Variants in CSMD1 observed in about 807,000 individuals in gnomAD.
CSMD1 encodes CUB and sushi domain-containing protein 1.
A neutral mutation model predicts 417.5 loss-of-function variants in CSMD1; 213 were observed. The ratio of observed to expected loss-of-function variants is 0.51; its 90% CI spans 0.46 to 0.57. The LOEUF (loss-of-function observed/expected upper bound fraction) is 0.57. CSMD1 is among the 20% of genes least tolerant of loss of function. The probability of loss-of-function intolerance (pLI) is 0.00; values close to 1 mark genes in which losing one functional copy is unlikely to be tolerated. For synonymous variants in CSMD1, 2,862 were observed against 1,736.8 expected (o/e 1.65, Z -16.11); for missense variants, 6,923 against 4,529.7 (o/e 1.53, Z -15.17).
intron 37 of CSMD1, among the ~76,000 whole-genome samples, chr8:3,178,159 G>C (rs1339428473): frequency 1.3e-5 from 2 of 152,070 alleles, no homozygotes; most frequent in Non-Finnish European, 2.9e-5. Context: ...AGACTTTCTT[G>C]GAACTGCTTT....
chr8:4,260,055 G>C (rs1803759884), intron 3 of CSMD1, among the ~76,000 whole-genome samples: 1 of 151,466 alleles, frequency 6.6e-6, no homozygotes, highest in Non-Finnish European at 1.5e-5. Context: ...ACTTGAAAGG[G>C]AAGTGTTGTC....
rs138472394 is a variant in CSMD1, at chr8:4,087,627, C to G, written c.416-55528G>C. 9.2e-5 allele frequency among the ~76,000 whole-genome samples: 14 copies of G among 152,238 alleles called. No homozygotes were observed. In the East Asian group the frequency reaches 2.1e-3, roughly 23 times the overall value. On this transcript the variant is annotated intron_variant, in intron 3 of 69. Coordinates refer to ENST00000635120, the MANE Select transcript of CSMD1 (RefSeq NM_033225.6). Reference sequence around the variant, plus strand: ...TCTCTCTCATTCCCAAATCTTTCTTCTTCGATACTCTCACATTCTTACTCT... The same window carrying G: ...TCTCTCTCATTCCCAAATCTTTCTTGTTCGATACTCTCACATTCTTACTCT...
At chr8:3,132,988 G>A (rs1487597440) in intron 41 of CSMD1, among the ~76,000 whole-genome samples, 1 of 152,170 alleles carries the variant, frequency 6.6e-6, no homozygotes, top group Non-Finnish European at 1.5e-5. Context: ...GTTCACCTGG[G>A]AGGAACCTCT....
chr8:3,003,310 T>C lies in CSMD1; in HGVS notation c.8030-3179A>G, dbSNP rs914388822. On this transcript the variant is annotated intron_variant, in intron 52 of 69. Coordinates refer to ENST00000635120, the MANE Select transcript of CSMD1 (RefSeq NM_033225.6). ...TAGTCTATGATAGTATTATTCTATA[T>C]GCTTTGTATGTGAGTTACCTTTTCT... Among the ~76,000 whole-genome samples, 15 of 152,352 alleles carry C rather than the reference T, an allele frequency of 9.8e-5. No individual in the cohort carries two copies. In the East Asian group the frequency reaches 2.7e-3, roughly 27 times the overall value.
intron 1 of CSMD1, among the ~76,000 whole-genome samples, chr8:4,853,452 G>A (rs1006134513): frequency 5.9e-5 from 9 of 152,176 alleles, no homozygotes; most frequent in African/African-American, 2.2e-4. Context: ...TCAACACAGT[G>A]TGATATTAAG....
At chr8:3,983,647 T>C (rs1023582315) in intron 5 of CSMD1, among the ~76,000 whole-genome samples, 2 of 152,224 alleles carry the variant, frequency 1.3e-5, no homozygotes, top group East Asian at 1.9e-4. Flanking sequence ...CCCACGTGTA[T>C]CATGATAGAG....
At chr8:3,410,540 C>G (rs1404981572) in intron 12 of CSMD1, among the ~76,000 whole-genome samples, 1 of 152,184 alleles carries the variant, frequency 6.6e-6, no homozygotes, top group East Asian at 1.9e-4. Flanking sequence ...CACAAGCTTT[C>G]TCTTTGCCTG....
chr8:2,937,586 G>C lies in CSMD1; in HGVS notation c.*999C>G, dbSNP rs975331455. The C allele has an allele frequency of 1.3e-5, 2 of 152,140 alleles. No homozygotes were observed. The highest frequency in any genetic ancestry group is 2.4e-5 in the African/African-American group (1 of 41,418). 9.4% of individuals were successfully genotyped at this position (152,140 alleles called of 1,614,324 possible). ...ATTTCTGCAAACCCCCTGCTATTAA[G>C]TAGTATCAGAGAGACAGTAATTGGA... is the stretch of plus-strand genomic sequence containing the variant. On this transcript the variant is annotated 3_prime_UTR_variant, in exon 70 of 70. Transcript: ENST00000635120.
chr8:4,449,285 G>T (rs1563186377), intron 2 of CSMD1, among the ~76,000 whole-genome samples: 1 of 152,158 alleles, frequency 6.6e-6, no homozygotes, highest in Non-Finnish European at 1.5e-5. Flanking sequence ...ACTCAGAAAT[G>T]TTTTACCAGG....
At chr8:3,643,455 C>T (rs1273278445) in intron 7 of CSMD1, among the ~76,000 whole-genome samples, 1 of 151,960 alleles carries the variant, frequency 6.6e-6, no homozygotes, top group Non-Finnish European at 1.5e-5. Context: ...GTAATCCTAG[C>T]ACTTTGGGAG....
chr8:4,987,478 A>G (rs767854110), intron 1 of CSMD1, among the ~76,000 whole-genome samples: 1 of 152,188 alleles, frequency 6.6e-6, no homozygotes, highest in Non-Finnish European at 1.5e-5. Context: ...ATTCAGACAA[A>G]AAGTTGTAGT....
At chr8:4,085,576 A>G (rs1422577640) in intron 3 of CSMD1, among the ~76,000 whole-genome samples, 1 of 152,192 alleles carries the variant, frequency 6.6e-6, no homozygotes, top group Admixed American at 6.5e-5. Flanking sequence ...GAAGAATATG[A>G]AAGAAACTAT....
chr8:4,324,053 A>C (rs1799418122), intron 3 of CSMD1, among the ~76,000 whole-genome samples: 1 of 152,100 alleles, frequency 6.6e-6, no homozygotes, highest in African/African-American at 2.4e-5. Flanking sequence ...GTGTAGTTCA[A>C]ATTTACCCGA....
At chr8:4,079,465 C>G (rs1186749592) in intron 3 of CSMD1, among the ~76,000 whole-genome samples, 1 of 152,206 alleles carries the variant, frequency 6.6e-6, no homozygotes, top group Admixed American at 6.5e-5. Flanking sequence ...CTTCTGAGTT[C>G]TATCATCATA....
At chr8:3,203,016 A>G (rs1173007264) in intron 31 of CSMD1, among the ~76,000 whole-genome samples, 2 of 152,154 alleles carry the variant, frequency 1.3e-5, no homozygotes, top group African/African-American at 4.8e-5. Flanking sequence ...CCCCAAGTTC[A>G]TTAGATTTTT....
rs192665113 is a variant in CSMD1 at position 3,263,857 on chromosome 8, A to G, written c.4153+20287T>C. On this transcript the variant is annotated intron_variant, in intron 26 of 69. Transcript: ENST00000635120. ...TTAGACATCTGTGGGAAAACCAAGTATGTCTCTTCTTTGATGTGTAAAAAT... is the reference window on the plus strand; with the variant it reads ...TTAGACATCTGTGGGAAAACCAAGTGTGTCTCTTCTTTGATGTGTAAAAAT... 4.3e-4 allele frequency among the ~76,000 whole-genome samples: 66 copies of G among 152,326 alleles called. 1 individual carries two copies. Among genetic ancestry groups the G allele is most frequent in the South Asian group, 2.1e-4 (1 of 4,830 alleles).
chr8:4,147,475 A>G (rs753359123), intron 3 of CSMD1, among the ~76,000 whole-genome samples: 3 of 151,908 alleles, frequency 2.0e-5, no homozygotes, highest in Non-Finnish European at 4.4e-5. Flanking sequence ...ACCCTACATG[A>G]TTGCCTTTGT....
intron 10 of CSMD1, among the ~76,000 whole-genome samples, chr8:3,563,820 C>T (rs759353877): frequency 3.9e-5 from 6 of 152,040 alleles, no homozygotes; most frequent in East Asian, 1.9e-4. Flanking sequence ...TCTCAGGAGG[C>T]GGAGGTTGCA....
chr8:3,021,466 T>A (rs1809381935), intron 51 of CSMD1, among the ~76,000 whole-genome samples: 1 of 152,218 alleles, frequency 6.6e-6, no homozygotes, highest in South Asian at 2.1e-4. Context: ...AAAGCCTTAT[T>A]TTTATGTTCT....
Sources: gnomAD v4.1 joint callset for allele counts (sites outside exome capture counted in the v4.1 genomes callset) on GRCh38, gnomAD v4.1.1 for gene constraint, MANE v1.5 for transcripts, NCBI Gene and HGNC (gene_info 2026-07-23, HGNC 2026-07-21) for gene names.